HMGCLL1: variants seen among roughly 807,000 people sequenced by gnomAD.
The protein encoded by HMGCLL1 is 3-hydroxy-3-methylglutaryl-CoA lyase like 1.
Under a neutral mutation model 39.1 loss-of-function variants are expected in HMGCLL1, and 36 were observed. That is an observed-to-expected ratio of 0.92 (90% CI 0.71 to 1.22). The LOEUF (loss-of-function observed/expected upper bound fraction) is 1.22. Among genes scored for constraint, HMGCLL1 ranks in the 50% most tolerant of loss-of-function variants. The pLI, the probability that HMGCLL1 is intolerant of heterozygous loss-of-function variation, is 0.00. For synonymous variants in HMGCLL1, 149 were observed against 144.0 expected (o/e 1.03, Z -0.25); for missense variants, 451 against 416.5 (o/e 1.08, Z -0.72).
chr6:55,579,231 G>C, upstream of HMGCLL1: 1 of 603,634 alleles, frequency 1.7e-6, no homozygotes, highest in East Asian at 2.8e-5. Context: ...AGTGGGGCGT[G>C]GCAGGTGGCC....
chr6:55,580,418 T>C (rs1771958572), upstream of HMGCLL1, among the ~76,000 whole-genome samples: 1 of 124,660 alleles, frequency 8.0e-6, no homozygotes, highest in Non-Finnish European at 1.7e-5. Flanking sequence ...TTTTTTTTTT[T>C]TTTTTTTTTT....
chr6:55,588,613 A>T, the HMGCLL1 span, among the ~76,000 whole-genome samples: 53 of 152,298 alleles, frequency 3.5e-4, no homozygotes, highest in East Asian at 9.9e-3. Context: ...CAATGAATCC[A>T]GGAGCTGGTT....
At position 55,470,831 on chromosome 6, in the gene HMGCLL1, A is replaced by G. The variant is rs145149859; in HGVS notation, c.795+24588T>C. Among the ~76,000 whole-genome samples, 1,102 of 151,768 alleles carry G rather than the reference A, an allele frequency of 7.3e-3. 9 individuals carry two copies. Among genetic ancestry groups the G allele is most frequent in the African/African-American group, 0.019 (792 of 41,456 alleles). ...CATCTTATATGGTGGCAGGAGAGAG[A>G]GCATGAAGAGGGAACTGCCAAACAC... On this transcript the variant is annotated intron_variant, in intron 7 of 8. Coordinates refer to ENST00000274901, the MANE Select transcript of HMGCLL1 (RefSeq NM_001042406.2).
the HMGCLL1 span, among the ~76,000 whole-genome samples, chr6:55,630,697 T>A: frequency 6.6e-6 from 1 of 151,980 alleles, no homozygotes; most frequent in Non-Finnish European, 1.5e-5. Flanking sequence ...TTCACTACTC[T>A]CCTGACAGTG....
chr6:55,645,337 C>A, the HMGCLL1 span, among the ~76,000 whole-genome samples: 2 of 151,770 alleles, frequency 1.3e-5, no homozygotes, highest in African/African-American at 4.8e-5. Flanking sequence ...GAGAATACCA[C>A]CTGCAATTGA....
At chr6:55,514,289 C>T in intron 4 of HMGCLL1, 93 bp from the exon 5 acceptor site, 1 of 866,868 alleles carries the variant, frequency 1.2e-6, no homozygotes, top group Admixed American at 2.8e-5. Flanking sequence ...TGAAGGCATA[C>T]ATGTATTCTT....
At chr6:55,647,758 T>TA in the HMGCLL1 span, among the ~76,000 whole-genome samples, 2 of 108,490 alleles carry the variant, frequency 1.8e-5, no homozygotes, top group Admixed American at 8.6e-5. Flanking sequence ...TTTTTTTTTT[T>TA]ATTTTATTTT....
chr6:55,545,822 T>C (rs1343092890), intron 1 of HMGCLL1, among the ~76,000 whole-genome samples: 1 of 152,106 alleles, frequency 6.6e-6, no homozygotes, highest in Non-Finnish European at 1.5e-5. Context: ...ACAGAGATAG[T>C]AATGCTCAGG....
chr6:55,523,071 T>C (rs985485687), intron 3 of HMGCLL1, among the ~76,000 whole-genome samples: 3 of 151,984 alleles, frequency 2.0e-5, no homozygotes, highest in African/African-American at 7.2e-5. Context: ...TAGGACTCTA[T>C]ATTTTGTACC....
chr6:55,592,592 T>C, the HMGCLL1 span, among the ~76,000 whole-genome samples: 917 of 152,160 alleles, frequency 6.0e-3, 9 homozygotes, highest in African/African-American at 0.021. Context: ...TTTTACTCAC[T>C]AGATGCCAGT....
the HMGCLL1 span, among the ~76,000 whole-genome samples, chr6:55,646,338 A>C: frequency 6.6e-6 from 1 of 151,490 alleles, no homozygotes; most frequent in Non-Finnish European, 1.5e-5. Flanking sequence ...CTTTTCAACA[A>C]ACTTTTTATT....
chr6:55,516,634 G>T, intron 3 of HMGCLL1, 31 bp from the exon 4 acceptor site: 1 of 1,387,992 alleles, frequency 7.2e-7, no homozygotes, highest in Non-Finnish European at 1.0e-6. Flanking sequence ...ATGTAAATGT[G>T]TAACTTCGAA....
chr6:55,674,407 A>T, the HMGCLL1 span, among the ~76,000 whole-genome samples: 2 of 151,842 alleles, frequency 1.3e-5, no homozygotes, highest in Non-Finnish European at 2.9e-5. Flanking sequence ...AAAAAAAAAA[A>T]GAAAAAAAAA....
the HMGCLL1 span, among the ~76,000 whole-genome samples, chr6:55,657,380 G>A: frequency 2.6e-5 from 4 of 151,984 alleles, no homozygotes; most frequent in East Asian, 7.7e-4. Flanking sequence ...TATTATATAA[G>A]GAAGGGGTCC....
intron 3 of HMGCLL1, 23 bp downstream of exon 3, chr6:55,541,706 T>G: frequency 1.7e-6 from 2 of 1,201,298 alleles, no homozygotes; most frequent in Non-Finnish European, 2.4e-6. Context: ...AGGATCTAAT[T>G]AAGAAATTGT....
chr6:55,613,769 G>A, the HMGCLL1 span, among the ~76,000 whole-genome samples: 1 of 152,134 alleles, frequency 6.6e-6, no homozygotes, highest in South Asian at 2.1e-4. Flanking sequence ...ACACACCAGG[G>A]CCTGCCAGTG....
intron 7 of HMGCLL1, among the ~76,000 whole-genome samples, chr6:55,479,176 A>C (rs12526863): frequency 0.28 from 42,276 of 151,308 alleles, 7,438 homozygotes; most frequent in Non-Finnish European, 0.37. Flanking sequence ...CTTGGGCTTC[A>C]TACAAGGACC....
chr6:55,487,000 T>C (rs911936964), intron 7 of HMGCLL1, among the ~76,000 whole-genome samples: 2 of 152,038 alleles, frequency 1.3e-5, no homozygotes, highest in African/African-American at 4.8e-5. Context: ...GAACTAATTC[T>C]ATTCATGGAG....
intron 1 of HMGCLL1, among the ~76,000 whole-genome samples, chr6:55,543,448 ATATGATATATAT>A (rs1769721169): frequency 7.0e-5 from 1 of 14,318 alleles, no homozygotes; most frequent in African/African-American, 1.7e-4. Flanking sequence ...TATATGATAT[ATATGATATATAT>A]CATATATATC....
Sources: gnomAD v4.1 joint callset for allele counts (sites outside exome capture counted in the v4.1 genomes callset) on GRCh38, gnomAD v4.1.1 for gene constraint, MANE v1.5 for transcripts, NCBI Gene and HGNC (gene_info 2026-07-23, HGNC 2026-07-21) for gene names.